Variants in TMEM132D observed in about 807,000 individuals in gnomAD.
TMEM132D encodes the protein transmembrane protein 132D.
TMEM132D carries 21 observed loss-of-function variants against 62.3 expected under a neutral mutation model. The observed-to-expected ratio is 0.34, with a 90% CI of 0.24 to 0.49. The LOEUF (loss-of-function observed/expected upper bound fraction) is 0.49. TMEM132D is among the 20% of genes least tolerant of loss of function. TMEM132D has a pLI of 0.99. For synonymous variants in TMEM132D, 621 were observed against 575.6 expected (o/e 1.08, Z -1.13); for missense variants, 1,346 against 1,402.8 (o/e 0.96, Z 0.65).
At position 129,088,065 on chromosome 12, in the gene TMEM132D, CG is replaced by C. The variant is rs35731479; in HGVS notation, c.1444-3364del. Among the ~76,000 whole-genome samples, 64 of 45,608 alleles carry C rather than the reference CG, an allele frequency of 1.4e-3. 5 individuals are homozygous for C. Among genetic ancestry groups the C allele is most frequent in the African/African-American group, 5.4e-3 (46 of 8,592 alleles). The allele number at this position is 45,608 out of a possible 152,430, so 29.9% of individuals were successfully genotyped here. A position where few individuals can be genotyped will look rare whatever the true frequency, so the allele number is the denominator to read the frequency against. The stretch of plus-strand genomic sequence containing the variant: ...TCTATGACCGGGTGTCCTCCATGAC[CG>C]GGGTGTCCTCCCTGACCGGGTGTCC... On this transcript the variant is annotated intron_variant, in intron 5 of 8. Coordinates refer to ENST00000422113, the MANE Select transcript of TMEM132D (RefSeq NM_133448.3).
intron 1 of TMEM132D, among the ~76,000 whole-genome samples, chr12:129,703,791 AT>A (rs1881438982): frequency 6.6e-6 from 1 of 152,150 alleles, no homozygotes; most frequent in East Asian, 1.9e-4. Flanking sequence ...TAATTTTAAC[AT>A]TTTTGAAAGG....
intron 4 of TMEM132D, among the ~76,000 whole-genome samples, chr12:129,336,809 G>A (rs1489190896): frequency 6.6e-6 from 1 of 152,188 alleles, no homozygotes; most frequent in Non-Finnish European, 1.5e-5. Flanking sequence ...TGGGCCGAGG[G>A]CAGCAGCAGG....
At chr12:129,488,443 C>T (rs1351688169) in intron 3 of TMEM132D, among the ~76,000 whole-genome samples, 2 of 152,118 alleles carry the variant, frequency 1.3e-5, no homozygotes, top group Non-Finnish European at 2.9e-5. Context: ...GAGGCTGAGG[C>T]AGGTGGATCA....
chr12:129,177,212 G>A (rs1056210639), intron 5 of TMEM132D, among the ~76,000 whole-genome samples: 17 of 152,228 alleles, frequency 1.1e-4, no homozygotes, highest in East Asian at 1.9e-4. Flanking sequence ...AAGTCAGTGC[G>A]TTCATCTATT....
intron 3 of TMEM132D, among the ~76,000 whole-genome samples, chr12:129,365,320 G>C (rs1010553488): frequency 1.3e-5 from 2 of 152,148 alleles, no homozygotes; most frequent in Non-Finnish European, 2.9e-5. Flanking sequence ...TGAGATAAAA[G>C]AAGATGCAGT....
intron 1 of TMEM132D, among the ~76,000 whole-genome samples, chr12:129,708,516 C>G (rs985992057): frequency 7.3e-5 from 11 of 150,186 alleles, no homozygotes; most frequent in Non-Finnish European, 1.6e-4. Flanking sequence ...CTGACCCCTG[C>G]CTAGGTGCCA....
At chr12:129,183,041 G>T (rs1169710113) in intron 5 of TMEM132D, among the ~76,000 whole-genome samples, 1 of 152,124 alleles carries the variant, frequency 6.6e-6, no homozygotes, top group Non-Finnish European at 1.5e-5. Flanking sequence ...GTGGCTGCTG[G>T]CTTCCAAGAA....
chr12:129,150,732 G>A (rs1877047401), intron 5 of TMEM132D, among the ~76,000 whole-genome samples: 1 of 152,220 alleles, frequency 6.6e-6, no homozygotes, highest in South Asian at 2.1e-4. Context: ...GAGGCTGGCA[G>A]GCTACGCCTT....
chr12:129,705,116 A>C (rs2137231450), intron 1 of TMEM132D, among the ~76,000 whole-genome samples: 1 of 152,362 alleles, frequency 6.6e-6, no homozygotes, highest in East Asian at 1.9e-4. Context: ...AAGCAATGGA[A>C]ATGATCAGTA....
rs1004744956 is a variant in TMEM132D at position 129,757,149 on chromosome 12, G to A, written c.80-56451C>T. ...AAATAAGAAGAATGCTCTCCAATTT[G>A]GTTATTCATCTTTTATAACTATAAA... is the stretch of plus-strand genomic sequence containing the variant. On this transcript the variant is annotated intron_variant, in intron 1 of 8. Coordinates refer to ENST00000422113, the MANE Select transcript of TMEM132D (RefSeq NM_133448.3). 2.9e-4 allele frequency among the ~76,000 whole-genome samples: 41 copies of A among 143,844 alleles called. 1 individual carries two copies. Among genetic ancestry groups the A allele is most frequent in the Non-Finnish European group, 3.0e-5 (2 of 66,218 alleles). The allele number at this position is 143,844 out of a possible 152,430, so 94.4% of individuals were successfully genotyped here.
intron 2 of TMEM132D, among the ~76,000 whole-genome samples, chr12:129,533,390 C>A (rs1876284250): frequency 6.6e-6 from 1 of 152,206 alleles, no homozygotes; most frequent in African/African-American, 2.4e-5. Context: ...AAAGTACAAT[C>A]CGCTGTGGAC....
At chr12:129,212,065 A>G (rs1879068176) in intron 4 of TMEM132D, 1 of 152,220 alleles carries the variant, frequency 6.6e-6, no homozygotes, top group African/African-American at 2.4e-5. Context: ...GAGACAGACG[A>G]GGGAGCAGTG....
intron 3 of TMEM132D, among the ~76,000 whole-genome samples, chr12:129,397,366 A>C (rs1566056402): frequency 6.6e-6 from 1 of 152,158 alleles, no homozygotes; most frequent in Non-Finnish European, 1.5e-5. Context: ...AATTAGATTT[A>C]ATTGTGGTCT....
chr12:129,120,184 T>C (rs540120912), intron 5 of TMEM132D, among the ~76,000 whole-genome samples: 58 of 152,158 alleles, frequency 3.8e-4, no homozygotes, highest in African/African-American at 1.4e-3. Context: ...TGCATGAGAG[T>C]GAAATGGCTT....
At chr12:129,688,834 A>T (rs2017433315) in intron 2 of TMEM132D, among the ~76,000 whole-genome samples, 1 of 152,226 alleles carries the variant, frequency 6.6e-6, no homozygotes, top group Non-Finnish European at 1.5e-5. Context: ...TTGACAATAC[A>T]ATGTCACCTT....
intron 2 of TMEM132D, among the ~76,000 whole-genome samples, chr12:129,552,998 G>A (rs771931729): frequency 2.6e-5 from 4 of 152,118 alleles, no homozygotes; most frequent in Non-Finnish European, 4.4e-5. Context: ...CCCCAAGTCC[G>A]AGTCTCTGGG....
intron 4 of TMEM132D, among the ~76,000 whole-genome samples, chr12:129,245,314 C>A (rs987938783): frequency 6.6e-6 from 1 of 152,194 alleles, no homozygotes; most frequent in East Asian, 1.9e-4. Context: ...CAGTGTGTAG[C>A]TATAGCTTTA....
At chr12:129,690,463 T>C (rs1322086668) in intron 2 of TMEM132D, among the ~76,000 whole-genome samples, 5 of 152,160 alleles carry the variant, frequency 3.3e-5, no homozygotes, top group Admixed American at 2.6e-4. Context: ...AATTCCACTT[T>C]AGCTCAAAAG....
intron 1 of TMEM132D, among the ~76,000 whole-genome samples, chr12:129,877,653 A>AGAGAGAGAGAGC: frequency 6.7e-6 from 1 of 150,214 alleles, no homozygotes; most frequent in South Asian, 2.2e-4. Context: ...AGAGAGAGAG[A>AGAGAGAGAGAGC]GCGCTATAAG....
Sources: gnomAD v4.1 joint callset for allele counts (sites outside exome capture counted in the v4.1 genomes callset) on GRCh38, gnomAD v4.1.1 for gene constraint, MANE v1.5 for transcripts, NCBI Gene and HGNC (gene_info 2026-07-23, HGNC 2026-07-21) for gene names.